Variants in AHNAK observed in about 807,000 individuals in gnomAD.
The protein encoded by AHNAK is neuroblast differentiation-associated protein AHNAK.
Under a neutral mutation model 37.8 loss-of-function variants are expected in AHNAK, and 23 were observed. That is an observed-to-expected ratio of 0.61 (90% CI 0.44 to 0.86). The LOEUF is 0.86. Among genes scored for constraint, AHNAK ranks in the 40% least tolerant of loss-of-function variants. AHNAK has a pLI of 0.00. For synonymous variants in AHNAK, 2,481 were observed against 2,636.3 expected, an observed-to-expected ratio of 0.94 and a Z score of 1.80; for missense variants, 7,411 against 7,319.4, an observed-to-expected ratio of 1.01 and a Z score of -0.46.
intron 1 of AHNAK, among the ~76,000 whole-genome samples, chr11:62,543,649 G>A (rs1412985513): frequency 6.6e-6 from 1 of 152,188 alleles, no homozygotes; most frequent in African/African-American, 2.4e-5. Flanking sequence ...ACTCCCTCGG[G>A]CACACCCAGG....
intron 1 of AHNAK, among the ~76,000 whole-genome samples, chr11:62,539,378 C>T (rs1028647935): frequency 1.3e-5 from 2 of 152,240 alleles, no homozygotes; most frequent in Admixed American, 6.5e-5. Context: ...TGGTGCTGTG[C>T]CAGCAGCCAG....
In AHNAK at chr11:62,530,397, A is replaced by G; in HGVS notation, c.4020T>C (p.Asp1340=). 1 of 1,614,036 alleles carries G rather than the reference A, an allele frequency of 6.2e-7. No individual in the cohort carries two copies. Among genetic ancestry groups the G allele is most frequent in the Non-Finnish European group, 8.5e-7 (1 of 1,180,018 alleles). ...LNLKGPKLKG[D]VDVSLPEVEG... is the part of the protein sequence containing the mutation. ...CTACCTCAGGCAAGGACACATCCAC[A>G]TCTCCCTTCAATTTTGGCCCCTTAA... Residue 1340 remains aspartate (D), a synonymous_variant, in exon 5 of 5, where the codon GAT becomes GAC. Transcript: ENST00000378024.
chr11:62,440,793 A>T (rs1020686799), intron 5 of AHNAK, among the ~76,000 whole-genome samples: 14 of 152,064 alleles, frequency 9.2e-5, no homozygotes, highest in African/African-American at 3.1e-4. Flanking sequence ...CCTCAGCCAA[A>T]ATCTCCCAAG....
At chr11:62,433,725 G>C in exon 6 of AHNAK, 4 of 914,408 alleles carry the variant, frequency 4.4e-6, no homozygotes, top group Non-Finnish European at 6.8e-6. Context: ...CTATAAACAT[G>C]CATGCTCCGA....
Position 62,478,288 on chromosome 11 carries a change from A to T in AHNAK, c.442+13444T>A, listed in dbSNP as rs542793279. ...GGGGCTGAGCCCCTGAGGTCTTTTCACACTAAGACTGGACCCTCCAGCCCC... is the reference window on the plus strand; with the variant it reads ...GGGGCTGAGCCCCTGAGGTCTTTTCTCACTAAGACTGGACCCTCCAGCCCC... On this transcript the variant is annotated intron_variant, in intron 5 of 5. Transcript: ENST00000257247. Among the ~76,000 whole-genome samples the T allele has an allele frequency of 3.9e-5, 6 of 152,314 alleles. No individual in the cohort carries two copies. In the South Asian group the frequency reaches 1.0e-3, roughly 26 times the overall value.
At chr11:62,435,623 C>A (rs1336144581) in intron 5 of AHNAK, among the ~76,000 whole-genome samples, 1 of 152,174 alleles carries the variant, frequency 6.6e-6, no homozygotes, top group Non-Finnish European at 1.5e-5. Flanking sequence ...CCGTGTTAGA[C>A]AGGATGGTCT....
chr11:62,466,469 ATTTTTTTTT>A (rs67385747), intron 5 of AHNAK, among the ~76,000 whole-genome samples: 1 of 135,780 alleles, frequency 7.4e-6, no homozygotes. Flanking sequence ...TAAAGTTTTG[ATTTTTTTTT>A]TTTTTTTTTT....
chr11:62,499,248 C>T (rs891651996), intron 4 of AHNAK, among the ~76,000 whole-genome samples: 1 of 152,196 alleles, frequency 6.6e-6, no homozygotes, highest in African/African-American at 2.4e-5. Context: ...ACTAAACATC[C>T]TCTGTATCTG....
chr11:62,511,624 T>C (rs1293951949), downstream of AHNAK, among the ~76,000 whole-genome samples: 1 of 152,292 alleles, frequency 6.6e-6, no homozygotes, highest in African/African-American at 2.4e-5. Flanking sequence ...AGAATTGCCA[T>C]TGGGACATAT....
rs143105736 is a variant in AHNAK at position 62,526,055 on chromosome 11, C to T, written c.8362G>A (p.Val2788Met). Residue 2788 changes from valine to methionine, a missense_variant, in exon 5 of 5, where the codon GTG becomes ATG. Transcript: ENST00000378024. The stretch of plus-strand genomic sequence containing the variant: ...TCAATGTCAGCCTTGGGCAGGTTCA[C>T]GTCCACATCTGGACCTTCTCCTTTG... ...GFKGEGPDVD[V>M]NLPKADIDVS... 14 of 1,613,704 alleles carry T rather than the reference C, an allele frequency of 8.7e-6. No homozygotes were observed. The highest frequency in any genetic ancestry group is 6.7e-5 in the African/African-American group (5 of 74,854).
chr11:62,529,779 C>T lies in AHNAK; in HGVS notation c.4638G>A (p.Val1546=), dbSNP rs776861990. 3.7e-6 allele frequency: 6 copies of T among 1,614,186 alleles called. No individual in the cohort carries two copies. In the Admixed American group the frequency reaches 1.0e-4, roughly 27 times the overall value. ...GATTCACATCTGGAACATCAATGTC[C>T]ACCTTGGGTCCTGAAACACCAAGGT... The part of the protein sequence containing the change: ...KADLGVSGPK[V]DIDVPDVNLE... Residue 1546 remains valine (V), a synonymous_variant, in exon 5 of 5, where the codon GTG becomes GTA. Transcript: ENST00000378024.
chr11:62,437,780 C>A (rs964999655), intron 5 of AHNAK, among the ~76,000 whole-genome samples: 2 of 152,222 alleles, frequency 1.3e-5, no homozygotes, highest in Non-Finnish European at 2.9e-5. Context: ...ACACTCCCCA[C>A]AGCAATATGC....
rs1280734935 is a variant in AHNAK at position 62,520,978 on chromosome 11, G to A, written c.13439C>T (p.Ser4480Leu). The change falls in exon 5 of 5, where the codon TCA (serine) becomes TTA (leucine). Residue 4480 changes from serine to leucine, a missense_variant. Ser to Leu is a moderately radical substitution (Grantham distance 145). Coordinates refer to ENST00000378024, the MANE Select transcript of AHNAK (RefSeq NM_001620.3). ...CAGATCACTTTCCACCTTAGGTAGTGAAACATCCACATCACCCTTCACCTT... is the reference window on the plus strand; with the variant it reads ...CAGATCACTTTCCACCTTAGGTAGTAAAACATCCACATCACCCTTCACCTT... Reference protein sequence around the residue: ...GPKVKGDVDVSLPKVESDLKG... With the variant: ...GPKVKGDVDVLLPKVESDLKG... 1 of 1,613,932 alleles carries A rather than the reference G, an allele frequency of 6.2e-7. No homozygotes were observed.
In AHNAK at chr11:62,443,907, G is replaced by C. The variant is rs538374075; in HGVS notation, c.443-10016C>G. 6.6e-5 allele frequency among the ~76,000 whole-genome samples: 10 copies of C among 152,306 alleles called. No individual in the cohort carries two copies. The South Asian group carries it at 1.9e-3, about 28-fold the overall frequency. ...CTCAGCCCTGGGCCTCCTGCCCCTG[G>C]CCAGCCTTATGAGGCACCAGCAGTA... On this transcript the variant is annotated intron_variant, in intron 5 of 5. Coordinates refer to the AHNAK transcript ENST00000257247.
intron 5 of AHNAK, among the ~76,000 whole-genome samples, chr11:62,486,937 G>T (rs147734637): frequency 1.3e-5 from 2 of 152,210 alleles, no homozygotes; most frequent in Non-Finnish European, 2.9e-5. Flanking sequence ...CTTCAGAATA[G>T]AGAGAGAGGG....
At position 62,521,713 on chromosome 11, in the gene AHNAK, C is replaced by G. The variant is rs774554024; in HGVS notation, c.12704G>C (p.Gly4235Ala). 5.8e-5 allele frequency: 94 copies of G among 1,613,918 alleles called. No individual in the cohort carries two copies. The highest frequency in any genetic ancestry group is 7.5e-5 in the Non-Finnish European group (89 of 1,180,034). ...AGGGCCCTTTAGTTTCGCATCTGGA[C>G]CTTCGATATTCACATCAGGAACATC... ...DIDVPDVNIE[G>A]PDAKLKGPKF... The change falls in exon 5 of 5, where the codon GGT (glycine) becomes GCT (alanine). Residue 4235 changes from glycine (G) to alanine (A), a missense_variant. Physicochemically the swap from Gly to Ala is moderately conservative, Grantham distance 60. Transcript: ENST00000378024.
rs767065892 is a variant in AHNAK, at chr11:62,519,225, G to A, written c.15192C>T (p.Ile5064=). Residue 5064 remains isoleucine (I), a synonymous_variant, in exon 5 of 5, where the codon ATC becomes ATT. Coordinates refer to ENST00000378024, the MANE Select transcript of AHNAK (RefSeq NM_001620.3). ...CTTTGAGTGCAGCATCCGGCCCTGCGATGTTGACATCTACATCCGGAGCCT... is the reference window on the plus strand; with the variant it reads ...CTTTGAGTGCAGCATCCGGCCCTGCAATGTTGACATCTACATCCGGAGCCT... The part of the protein sequence containing the change: ...SLKAPDVDVN[I]AGPDAALKVD... 2.1e-5 allele frequency: 34 copies of A among 1,613,600 alleles called. No individual in the cohort carries two copies. The highest frequency in any genetic ancestry group is 4.4e-5 in the South Asian group (4 of 90,934).
In AHNAK at chr11:62,523,883, T is replaced by C. The variant is rs773780658; in HGVS notation, c.10534A>G (p.Ile3512Val). 9 of 1,614,104 alleles carry C rather than the reference T, an allele frequency of 5.6e-6. 1 individual carries two copies. In the South Asian group the frequency reaches 8.8e-5, roughly 16 times the overall value. Residue 3512 changes from isoleucine (I) to valine (V), a missense_variant, in exon 5 of 5, where the codon ATT becomes GTT. Transcript: ENST00000378024. ...DINIEGPSMNIEGPDLNVEGP... is the reference protein window; with the variant it reads ...DINIEGPSMNVEGPDLNVEGP... Reference sequence around the variant, plus strand: ...TCCACATTGAGATCTGGGCCCTCAATGTTCATACTTGGGCCCTCTATGTTG... The same window carrying C: ...TCCACATTGAGATCTGGGCCCTCAACGTTCATACTTGGGCCCTCTATGTTG...
chr11:62,456,431 AG>A (rs1478142317), intron 5 of AHNAK, among the ~76,000 whole-genome samples: 5 of 152,232 alleles, frequency 3.3e-5, no homozygotes, highest in Non-Finnish European at 7.3e-5. Flanking sequence ...CTGACAACAT[AG>A]GGAACATTAT....
Sources: allele counts gnomAD v4.1 joint callset (sites outside exome capture counted in the v4.1 genomes callset), GRCh38; gene constraint gnomAD v4.1.1; transcripts MANE v1.5; gene names NCBI Gene and HGNC (gene_info 2026-07-23, HGNC 2026-07-21).